SPATA6: variants seen among roughly 807,000 people sequenced by gnomAD.
SPATA6 encodes spermatogenesis associated 6.
A neutral mutation model predicts 65.3 loss-of-function variants in SPATA6; 56 were observed. That is an observed-to-expected ratio of 0.86 (90% CI 0.69 to 1.07). The LOEUF is 1.07. Ranked by LOEUF, SPATA6 falls within the 50% of genes least tolerant of loss-of-function variation. The pLI, the probability that SPATA6 is intolerant of heterozygous loss-of-function variation, is 0.00. For synonymous variants in SPATA6, 199 were observed against 213.2 expected (o/e 0.93, Z 0.58); for missense variants, 590 against 594.8 (o/e 0.99, Z 0.08).
rs1439810892 is a variant in SPATA6 at position 48,374,322 on chromosome 1, AAG to A, written c.909+10985_909+10986del. 2.0e-5 allele frequency among the ~76,000 whole-genome samples: 3 copies of A among 152,138 alleles called. No individual in the cohort carries two copies. In the East Asian group the frequency reaches 5.8e-4, roughly 29 times the overall value. On this transcript the variant is annotated intron_variant, in intron 9 of 12. Coordinates refer to ENST00000371847, the MANE Select transcript of SPATA6 (RefSeq NM_019073.4). The stretch of plus-strand genomic sequence containing the variant: ...AAAATGTAATTTTATAAAAAAAAAA[AAG>A]AAGTCCATTCACAATAGGAACAAGC...
chr1:48,280,372 C>A, the SPATA6 span, among the ~76,000 whole-genome samples: 2 of 151,912 alleles, frequency 1.3e-5, no homozygotes, highest in Non-Finnish European at 2.9e-5. Context: ...AAAAACCCTT[C>A]AAAAAATTAG....
chr1:48,424,971 C>T (rs1445245870), intron 3 of SPATA6, among the ~76,000 whole-genome samples: 1 of 152,130 alleles, frequency 6.6e-6, no homozygotes, highest in Non-Finnish European at 1.5e-5. Flanking sequence ...GTATTCTTTG[C>T]TGTGCAGAAG....
chr1:48,471,420 C>G (rs1344414192), intron 1 of SPATA6, among the ~76,000 whole-genome samples: 1 of 152,054 alleles, frequency 6.6e-6, no homozygotes, highest in Non-Finnish European at 1.5e-5. Flanking sequence ...AGGTACTTTG[C>G]GCAATGACAC....
chr1:48,288,744 A>G, the SPATA6 span, among the ~76,000 whole-genome samples: 1 of 152,098 alleles, frequency 6.6e-6, no homozygotes, highest in Non-Finnish European at 1.5e-5. Context: ...ACCCTCACTC[A>G]TTGCTAGCAC....
chr1:48,338,771 G>C (rs3767614), intron 11 of SPATA6, among the ~76,000 whole-genome samples: 21,835 of 151,968 alleles, frequency 0.14, 1,785 homozygotes, highest in African/African-American at 0.21. Context: ...GGTAAAATAA[G>C]CTAATCCAAA....
chr1:48,436,626 T>A (rs1654963625), intron 3 of SPATA6: 1 of 1,613,960 alleles, frequency 6.2e-7, no homozygotes, highest in Non-Finnish European at 8.5e-7. Flanking sequence ...GGGCTGTGTA[T>A]GATTTCCCAC....
At chr1:48,340,906 C>T (rs1646198073) in intron 11 of SPATA6, among the ~76,000 whole-genome samples, 1 of 151,936 alleles carries the variant, frequency 6.6e-6, no homozygotes, top group South Asian at 2.1e-4. Flanking sequence ...AGAAGCTTTC[C>T]CAGAAACAAA....
intron 10 of SPATA6, among the ~76,000 whole-genome samples, 193 bp downstream of exon 10, chr1:48,359,393 T>A (rs1372791178): frequency 6.6e-6 from 1 of 152,208 alleles, no homozygotes; most frequent in East Asian, 1.9e-4. Flanking sequence ...TAAACTCACA[T>A]ATAGAGAACT....
At chr1:48,402,921 G>C (rs532564262) in intron 6 of SPATA6, among the ~76,000 whole-genome samples, 2 of 152,296 alleles carry the variant, frequency 1.3e-5, no homozygotes, top group East Asian at 3.9e-4. Context: ...GTGCACACCT[G>C]TAATCCCAGA....
intron 8 of SPATA6, among the ~76,000 whole-genome samples, chr1:48,392,494 T>G (rs1650171802): frequency 6.6e-6 from 1 of 152,124 alleles, no homozygotes; most frequent in South Asian, 2.1e-4. Flanking sequence ...ACAATGTGCT[T>G]GAAAATTTTA....
At chr1:48,400,679 AT>A in intron 6 of SPATA6, 1 of 867,108 alleles carries the variant, frequency 1.2e-6, no homozygotes. Flanking sequence ...GAAGAGTCAA[AT>A]TTTTTAAGTG....
chr1:48,432,015 T>A (rs1654452086), intron 3 of SPATA6, among the ~76,000 whole-genome samples: 1 of 151,846 alleles, frequency 6.6e-6, no homozygotes, highest in Non-Finnish European at 1.5e-5. Flanking sequence ...GAGCCTGAGG[T>A]GGGAGAATGG....
chr1:48,436,066 G>A (rs1162566855), intron 3 of SPATA6: 2 of 1,609,620 alleles, frequency 1.2e-6, no homozygotes, highest in East Asian at 2.2e-5. Context: ...CTTGGTTGAT[G>A]AGCCAACCCT....
the SPATA6 span, among the ~76,000 whole-genome samples, chr1:48,289,962 C>A: frequency 6.6e-6 from 1 of 152,168 alleles, no homozygotes; most frequent in Non-Finnish European, 1.5e-5. Flanking sequence ...CCCAACCTAG[C>A]AAGGCAGGCT....
intron 9 of SPATA6, among the ~76,000 whole-genome samples, chr1:48,367,943 C>T (rs1647082910): frequency 6.6e-6 from 1 of 152,108 alleles, no homozygotes; most frequent in Admixed American, 6.5e-5. Flanking sequence ...CCAGTTGTTC[C>T]TTTCCATGTT....
intron 11 of SPATA6, among the ~76,000 whole-genome samples, chr1:48,341,397 G>C (rs191325280): frequency 6.6e-6 from 1 of 152,036 alleles, no homozygotes; most frequent in East Asian, 1.9e-4. Context: ...GTCCTGCTCC[G>C]TCTGCCCAGG....
intron 9 of SPATA6, among the ~76,000 whole-genome samples, chr1:48,367,731 G>A (rs550313785): frequency 0.031 from 4,650 of 152,174 alleles, 219 homozygotes; most frequent in African/African-American, 0.11. Context: ...GCACACTGAT[G>A]GGTCTTGACT....
At chr1:48,325,207 T>C in intron 11 of SPATA6, 1 of 708,750 alleles carries the variant, frequency 1.4e-6, no homozygotes, top group Non-Finnish European at 2.5e-6. Flanking sequence ...TGTTCACTGC[T>C]GCTGGCACAA....
intron 5 of SPATA6, among the ~76,000 whole-genome samples, chr1:48,408,683 G>A (rs559404303): frequency 6.6e-6 from 1 of 152,286 alleles, no homozygotes; most frequent in South Asian, 2.1e-4. Flanking sequence ...AAAGAAAGAG[G>A]TTTACTGGAC....
Sources: gnomAD v4.1 joint callset for allele counts (sites outside exome capture counted in the v4.1 genomes callset) on GRCh38, gnomAD v4.1.1 for gene constraint, MANE v1.5 for transcripts, NCBI Gene and HGNC (gene_info 2026-07-23, HGNC 2026-07-21) for gene names.